DUS4L: variants seen among roughly 807,000 people sequenced by gnomAD.
The protein encoded by DUS4L is dihydrouridine synthase 4 like, also known as tRNA-dihydrouridine(20a/20b) synthase [NAD(P)+]-like.
DUS4L carries 31 observed loss-of-function variants against 33.8 expected under a neutral mutation model. The observed-to-expected ratio is 0.92, with a 90% CI of 0.69 to 1.24. The LOEUF (loss-of-function observed/expected upper bound fraction) is 1.24. Among genes scored for constraint, DUS4L ranks in the 50% most tolerant of loss-of-function variants. The pLI is 0.00. For missense variants in DUS4L, 368 were observed against 388.6 expected, an observed-to-expected ratio of 0.95 and a Z score of 0.45; for synonymous variants, 103 against 120.3, an observed-to-expected ratio of 0.86 and a Z score of 0.94.
intron 3 of DUS4L, 47 bp downstream of exon 3, chr7:107,567,233 T>C (rs1164390402): frequency 3.9e-6 from 6 of 1,555,458 alleles, no homozygotes; most frequent in Non-Finnish European, 8.8e-7. Context: ...ATTTCCCTTT[T>C]ATGCTCTGAC....
At chr7:107,576,954 T>G in intron 7 of DUS4L, 1 of 284,442 alleles carries the variant, frequency 3.5e-6, no homozygotes, top group Non-Finnish European at 6.5e-6. Flanking sequence ...ATTATTCCCT[T>G]AAATTATTGG....
At position 107,567,060 on chromosome 7, in the gene DUS4L, T is replaced by C; in HGVS notation, c.-11T>C. ...TATTGTCTTTTTCAGATTTGAAACA[T>C]ATCTGTATTAATGAAGAGTGACTGC... On this transcript the variant is annotated 5_prime_UTR_variant, in exon 3 of 8. Coordinates refer to ENST00000265720, the MANE Select transcript of DUS4L (RefSeq NM_181581.3). 1 of 1,597,696 alleles carries C rather than the reference T, an allele frequency of 6.3e-7. No homozygotes were observed. Among genetic ancestry groups the C allele is most frequent in the East Asian group, 2.2e-5 (1 of 44,734 alleles).
At chr7:107,576,680 G>A (rs1805787581) in intron 7 of DUS4L, 88 bp downstream of exon 7, 1 of 1,272,906 alleles carries the variant, frequency 7.9e-7, no homozygotes, top group Non-Finnish European at 1.1e-6. Flanking sequence ...CATTTGTTTT[G>A]TTTAACATTA....
At position 107,577,796 on chromosome 7, in the gene DUS4L, T is replaced by G. The variant is rs1805887983; in HGVS notation, c.*236T>G. 1 of 388,398 alleles carries G rather than the reference T, an allele frequency of 2.6e-6. No homozygotes were observed. Among genetic ancestry groups the G allele is most frequent in the Non-Finnish European group, 4.7e-6 (1 of 214,416 alleles). The allele number at this position is 388,398 out of a possible 1,614,324, so 24.1% of individuals were successfully genotyped here. On this transcript the variant is annotated 3_prime_UTR_variant, in exon 8 of 8. Coordinates refer to ENST00000265720, the MANE Select transcript of DUS4L (RefSeq NM_181581.3). ...ACTCCCAGTGGTTCAAACATCCTGA[T>G]CATCCTAGGCAAACATTGACAAATA...
intron 2 of DUS4L, among the ~76,000 whole-genome samples, chr7:107,566,679 C>T (rs1443429391): frequency 1.3e-5 from 2 of 151,804 alleles, no homozygotes; most frequent in African/African-American, 2.4e-5. Flanking sequence ...AAATGCCAGT[C>T]GAGTATCATA....
In DUS4L at chr7:107,576,363, T is replaced by C. The variant is rs779850630; in HGVS notation, c.480-3T>C. The stretch of plus-strand genomic sequence containing the variant: ...ACAGATAAATGTAATTTTGAAATTG[T>C]AGGATCCATGATGACCTTAAAAGAA... On this transcript the variant is annotated splice_region_variant and splice_polypyrimidine_tract_variant and intron_variant, in intron 6 of 7. Transcript: ENST00000265720. 5 of 1,601,196 alleles carry C rather than the reference T, an allele frequency of 3.1e-6. No homozygotes were observed. Among genetic ancestry groups the C allele is most frequent in the Middle Eastern group, 3.3e-4 (2 of 6,052 alleles).
At chr7:107,577,269 G>A (rs1457536755) in intron 7 of DUS4L, 44 bp from the exon 8 acceptor site, 1 of 1,601,772 alleles carries the variant, frequency 6.2e-7, no homozygotes, top group South Asian at 1.1e-5. Flanking sequence ...TAATAACCAG[G>A]GGTTCTTAAT....
Position 107,571,231 on chromosome 7 carries a change from T to TA in DUS4L, c.207dup (p.Ala70SerfsTer12). On this transcript the variant is annotated frameshift_variant, in exon 4 of 8. Transcript: ENST00000265720. LOFTEE classifies it high-confidence loss of function. Reference sequence around the variant, plus strand: ...GTTGCCGCTGATTTTGTCAAATCTATAAAAGCCAGAGACAGCGAATTTACC... The same window carrying TA: ...GTTGCCGCTGATTTTGTCAAATCTATAAAAAGCCAGAGACAGCGAATTTACC... 6.2e-7 allele frequency: 1 copy of TA among 1,612,176 alleles called. No homozygotes were observed. The highest frequency in any genetic ancestry group is 8.5e-7 in the Non-Finnish European group (1 of 1,179,550).
intron 4 of DUS4L, among the ~76,000 whole-genome samples, chr7:107,571,516 C>T (rs1294107274): frequency 6.6e-6 from 1 of 152,230 alleles, no homozygotes; most frequent in African/African-American, 2.4e-5. Flanking sequence ...TCCTGTCACA[C>T]TGCCTCTAGT....
Position 107,571,142 on chromosome 7 carries a change from C to T in DUS4L, c.117-3C>T. 4.3e-6 allele frequency: 7 copies of T among 1,613,516 alleles called. No individual in the cohort carries two copies. Among genetic ancestry groups the T allele is most frequent in the Non-Finnish European group, 5.9e-6 (7 of 1,179,840 alleles). On this transcript the variant is annotated splice_polypyrimidine_tract_variant and splice_region_variant and intron_variant, in intron 3 of 7. Transcript: ENST00000265720. ...GCATAATTAAGGTTTTATATGCTCA[C>T]AGGTTGGCTTTTAGGACACTAGTAA...
At chr7:107,576,901 A>T (rs535236824) in intron 7 of DUS4L, 2 of 300,356 alleles carry the variant, frequency 6.7e-6, no homozygotes, top group South Asian at 1.3e-4. Flanking sequence ...TGAACTCGAG[A>T]ATGATAAGAG....
At position 107,564,097 on chromosome 7, in the gene DUS4L, G is replaced by A. The variant is rs1290191435; in HGVS notation, c.-223G>A. 2.3e-5 allele frequency: 29 copies of A among 1,255,672 alleles called. No individual in the cohort carries two copies. The highest frequency in any genetic ancestry group is 2.6e-4 in the Middle Eastern group (1 of 3,834). The allele number at this position is 1,255,672 out of a possible 1,614,324, so 77.8% of individuals were successfully genotyped here. ...TGGGCGCCCAGGGTCCGAGTGCTCT[G>A]CGCCCAGCGCACCGAGGGAGCCAAG... On this transcript the variant is annotated 5_prime_UTR_variant, in exon 1 of 8. Transcript: ENST00000265720.
At position 107,564,083 on chromosome 7, in the gene DUS4L, G is replaced by A; in HGVS notation, c.-237G>A. The A allele has an allele frequency of 2.2e-6, 3 of 1,359,594 alleles. No homozygotes were observed. The highest frequency in any genetic ancestry group is 2.5e-5 in the South Asian group (2 of 79,256). The allele number at this position is 1,359,594 out of a possible 1,614,324, so 84.2% of individuals were successfully genotyped here. Reference sequence around the variant, plus strand: ...AGGTACTCGAGCAGTGGGCGCCCAGGGTCCGAGTGCTCTGCGCCCAGCGCA... The same window carrying A: ...AGGTACTCGAGCAGTGGGCGCCCAGAGTCCGAGTGCTCTGCGCCCAGCGCA... On this transcript the variant is annotated 5_prime_UTR_variant, in exon 1 of 8. Coordinates refer to ENST00000265720, the MANE Select transcript of DUS4L (RefSeq NM_181581.3).
chr7:107,574,422 A>G (rs1163781928), intron 5 of DUS4L, among the ~76,000 whole-genome samples: 3 of 146,120 alleles, frequency 2.1e-5, no homozygotes, highest in Non-Finnish European at 4.5e-5. Context: ...CACCACAACT[A>G]CCGCCTCCCA....
intron 3 of DUS4L, among the ~76,000 whole-genome samples, chr7:107,569,352 C>G (rs1804993937): frequency 6.6e-6 from 1 of 152,190 alleles, no homozygotes; most frequent in African/African-American, 2.4e-5. Context: ...TATAATATGT[C>G]TTGAAATCAG....
At position 107,563,989 on chromosome 7, in the gene DUS4L, T is replaced by TGGCTCCAGGCCCAC. The variant is rs1804270642; in HGVS notation, c.-330_-317dup. 1.1e-6 allele frequency: 1 copy of TGGCTCCAGGCCCAC among 925,306 alleles called. No individual in the cohort carries two copies. Among genetic ancestry groups the TGGCTCCAGGCCCAC allele is most frequent in the Admixed American group, 2.2e-5 (1 of 45,270 alleles). The allele number at this position is 925,306 out of a possible 1,614,324, so 57.3% of individuals were successfully genotyped here. On this transcript the variant is annotated 5_prime_UTR_variant, in exon 1 of 8. An upstream open reading frame in the 5' UTR gains an earlier in-frame stop. Coordinates refer to ENST00000265720, the MANE Select transcript of DUS4L (RefSeq NM_181581.3). ...CGGCGCCGCCCGCCCACCCAGCCCATGGCTCCAGGCCCACCTGGCGAACTG... is the reference window on the plus strand; with the variant it reads ...CGGCGCCGCCCGCCCACCCAGCCCATGGCTCCAGGCCCACGGCTCCAGGCCCACCTGGCGAACTG...
rs1030409411 is a variant in DUS4L at position 107,578,412 on chromosome 7, A to G, written c.*852A>G. The G allele has an allele frequency of 9.9e-5, 15 of 152,236 alleles. No homozygotes were observed. The highest frequency in any genetic ancestry group is 3.6e-4 in the African/African-American group (15 of 41,456). The allele number at this position is 152,236 out of a possible 1,614,324, so 9.4% of individuals were successfully genotyped here. A position where few individuals can be genotyped will look rare whatever the true frequency, so the allele number is the denominator to read the frequency against. On this transcript the variant is annotated 3_prime_UTR_variant, in exon 8 of 8. Coordinates refer to ENST00000265720, the MANE Select transcript of DUS4L (RefSeq NM_181581.3). ...ATCTCAGACTGAAATAAAACCGTTC[A>G]TAATTAAAGTATTATTTTGTTTTGC...
chr7:107,567,047 C>G lies in DUS4L; in HGVS notation c.-21-3C>G. On this transcript the variant is annotated splice_polypyrimidine_tract_variant and splice_region_variant and intron_variant, in intron 2 of 7. Coordinates refer to ENST00000265720, the MANE Select transcript of DUS4L (RefSeq NM_181581.3). ...CTCTATACAAGCTTATTGTCTTTTT[C>G]AGATTTGAAACATATCTGTATTAAT... 6.3e-7 allele frequency: 1 copy of G among 1,576,116 alleles called. No homozygotes were observed. Among genetic ancestry groups the G allele is most frequent in the Non-Finnish European group, 8.7e-7 (1 of 1,155,252 alleles).
At chr7:107,571,951 CCT>C (rs534468637) in intron 4 of DUS4L, among the ~76,000 whole-genome samples, 14 of 152,150 alleles carry the variant, frequency 9.2e-5, no homozygotes, top group Non-Finnish European at 1.3e-4. Flanking sequence ...CACCAGACCC[CCT>C]CTCTCTCTTG....
Sources: allele counts gnomAD v4.1 joint callset (sites outside exome capture counted in the v4.1 genomes callset), GRCh38; gene constraint gnomAD v4.1.1; transcripts MANE v1.5; gene names NCBI Gene and HGNC (gene_info 2026-07-23, HGNC 2026-07-21).